ZDHHC20: variants seen among roughly 807,000 people sequenced by gnomAD.
ZDHHC20 encodes palmitoyltransferase ZDHHC20.
In ZDHHC20, 43 loss-of-function variants were observed where a neutral mutation model predicts 57.8. The observed-to-expected ratio is 0.74, with a 90% CI of 0.58 to 0.96. The LOEUF (loss-of-function observed/expected upper bound fraction) is 0.96, where lower values mean the gene tolerates loss of function less well. Ranked by LOEUF, ZDHHC20 falls within the 40% of genes least tolerant of loss-of-function variation. The pLI, the probability that ZDHHC20 is intolerant of heterozygous loss-of-function variation, is 0.00. For missense variants in ZDHHC20, 391 were observed against 441.1 expected, an observed-to-expected ratio of 0.89 and a Z score of 1.02; for synonymous variants, 157 against 153.0, an observed-to-expected ratio of 1.03 and a Z score of -0.19.
At chr13:21,409,086 C>T (rs1037776455) in intron 4 of ZDHHC20, among the ~76,000 whole-genome samples, 25 of 152,124 alleles carry the variant, frequency 1.6e-4, no homozygotes, top group African/African-American at 6.0e-4. Context: ...TGTCACATCT[C>T]TGCTAGGTTT....
Position 21,381,422 on chromosome 13 carries a change from G to A in ZDHHC20, c.1060+12C>T. On this transcript the variant is annotated intron_variant, in intron 11 of 12. Coordinates refer to ENST00000400590, the MANE Select transcript of ZDHHC20 (RefSeq NM_001330059.2). ...AACCAGACAAAGCAGTGTTTCAAAT[G>A]AGAACTATTACCTGATTTGACGATG... 2 of 1,594,278 alleles carry A rather than the reference G, an allele frequency of 1.3e-6. No homozygotes were observed. Among genetic ancestry groups the A allele is most frequent in the Non-Finnish European group, 1.7e-6 (2 of 1,162,474 alleles).
intron 4 of ZDHHC20, among the ~76,000 whole-genome samples, chr13:21,411,320 G>A (rs1041124772): frequency 3.3e-5 from 5 of 152,154 alleles, no homozygotes; most frequent in African/African-American, 9.7e-5. Context: ...ATCTTGCCCC[G>A]ATTGACCGAG....
intron 1 of ZDHHC20, among the ~76,000 whole-genome samples, chr13:21,448,987 G>A (rs1360239882): frequency 1.7e-5 from 2 of 115,790 alleles, no homozygotes; most frequent in Non-Finnish European, 3.9e-5. Flanking sequence ...GGCGGTGCAA[G>A]ATGTGCTTTG....
At chr13:21,454,226 T>A (rs943695466) in intron 1 of ZDHHC20, among the ~76,000 whole-genome samples, 1 of 152,110 alleles carries the variant, frequency 6.6e-6, no homozygotes, top group African/African-American at 2.4e-5. Flanking sequence ...CTCAAGAGGC[T>A]GAGGCAGGAG....
chr13:21,443,887 G>A (rs559563999), intron 1 of ZDHHC20, among the ~76,000 whole-genome samples: 10 of 152,282 alleles, frequency 6.6e-5, no homozygotes, highest in South Asian at 2.1e-4. Flanking sequence ...TTTTGGCTGC[G>A]TGTGGTGGCT....
At chr13:21,451,618 G>A (rs955727203) in intron 1 of ZDHHC20, among the ~76,000 whole-genome samples, 2 of 152,134 alleles carry the variant, frequency 1.3e-5, no homozygotes, top group Admixed American at 1.3e-4. Flanking sequence ...GAAGTGAAGA[G>A]TAGGGGAGAA....
Position 21,459,102 on chromosome 13 carries a change from A to G in ZDHHC20, c.70T>C (p.Phe24Leu). Residue 24 changes from phenylalanine (F) to leucine (L), a missense_variant, in exon 1 of 13, where the codon TTC (phenylalanine) becomes CTC (leucine). Phe to Leu is a conservative substitution (Grantham distance 22). Coordinates refer to ENST00000400590, the MANE Select transcript of ZDHHC20 (RefSeq NM_001330059.2). ...VGWVPVLFITFVVVWSYYAYV... is the reference protein window; with the variant it reads ...VGWVPVLFITLVVVWSYYAYV... ...GCGTAGTAGGACCAGACGACCACGAAGGTGATGAAGAGCACCGGCACCCAG... is the reference window on the plus strand; with the variant it reads ...GCGTAGTAGGACCAGACGACCACGAGGGTGATGAAGAGCACCGGCACCCAG... 6.2e-7 allele frequency: 1 copy of G among 1,607,024 alleles called. No homozygotes were observed. Among genetic ancestry groups the G allele is most frequent in the African/African-American group, 1.4e-5 (1 of 73,994 alleles).
chr13:21,374,356 T>G lies in ZDHHC20; in HGVS notation c.*2340A>C. On this transcript the variant is annotated 3_prime_UTR_variant, in exon 13 of 13. Transcript: ENST00000400590. ...TCTCCTGCCTCCACCTCCCGAGTAG[T>G]TGGGACTACAGGCGTGTGCCACCAT... 2.2e-6 allele frequency: 1 copy of G among 450,560 alleles called. No individual in the cohort carries two copies. Among genetic ancestry groups the G allele is most frequent in the Non-Finnish European group, 4.5e-6 (1 of 223,432 alleles). The allele number at this position is 450,560 out of a possible 1,614,324, so 27.9% of individuals were successfully genotyped here. A position where few individuals can be genotyped will look rare whatever the true frequency, so the allele number is the denominator to read the frequency against.
intron 3 of ZDHHC20, among the ~76,000 whole-genome samples, chr13:21,419,258 T>C (rs1880370410): frequency 6.6e-6 from 1 of 152,216 alleles, no homozygotes; most frequent in South Asian, 2.1e-4. Context: ...ATAGTTTACT[T>C]TACCTTTTAA....
intron 1 of ZDHHC20, among the ~76,000 whole-genome samples, chr13:21,447,494 G>T: frequency 6.9e-6 from 1 of 145,822 alleles, no homozygotes; most frequent in Admixed American, 6.9e-5. Flanking sequence ...GTGTTGGCCG[G>T]GCCGGTCTCC....
chr13:21,405,699 T>C (rs1171110515), intron 4 of ZDHHC20, among the ~76,000 whole-genome samples: 1 of 152,354 alleles, frequency 6.6e-6, no homozygotes, highest in East Asian at 1.9e-4. Context: ...GAAGGAAATC[T>C]GTACACCCTC....
chr13:21,383,114 G>T, intron 9 of ZDHHC20, 105 bp from the exon 10 acceptor site: 1 of 1,050,720 alleles, frequency 9.5e-7, no homozygotes, highest in Non-Finnish European at 1.4e-6. Context: ...ATCATAACTT[G>T]TCATATAAGG....
chr13:21,422,306 C>T (rs745637496), intron 2 of ZDHHC20, among the ~76,000 whole-genome samples: 1 of 151,604 alleles, frequency 6.6e-6, no homozygotes, highest in East Asian at 1.9e-4. Flanking sequence ...TGTAAGGAAG[C>T]TTTTGTAAAA....
chr13:21,415,320 T>C (rs753652782), intron 3 of ZDHHC20, among the ~76,000 whole-genome samples: 1 of 152,196 alleles, frequency 6.6e-6, no homozygotes, highest in East Asian at 1.9e-4. Context: ...TTGCTTTTTA[T>C]AGATAGTTAC....
intron 3 of ZDHHC20, among the ~76,000 whole-genome samples, 155 bp downstream of exon 3, chr13:21,420,906 C>T (rs1880572483): frequency 6.6e-6 from 1 of 152,160 alleles, no homozygotes; most frequent in Non-Finnish European, 1.5e-5. Context: ...TGAGAATAGG[C>T]TGATGACTCA....
At chr13:21,450,713 G>T (rs963143237) in intron 1 of ZDHHC20, among the ~76,000 whole-genome samples, 2 of 151,180 alleles carry the variant, frequency 1.3e-5, no homozygotes, top group Non-Finnish European at 2.9e-5. Flanking sequence ...CTACACTCTC[G>T]CATCTGAAAA....
At chr13:21,386,939 T>C (rs966113066) in intron 9 of ZDHHC20, among the ~76,000 whole-genome samples, 1 of 152,208 alleles carries the variant, frequency 6.6e-6, no homozygotes, top group Non-Finnish European at 1.5e-5. Context: ...ATTCAGTTAA[T>C]CTAGGGAAAA....
At chr13:21,412,966 T>C in intron 4 of ZDHHC20, among the ~76,000 whole-genome samples, 1 of 33,286 alleles carries the variant, frequency 3.0e-5, no homozygotes, top group Non-Finnish European at 5.0e-5. Flanking sequence ...AGACTCCGTC[T>C]CAAAAAAAAA....
rs190910427 is a variant in ZDHHC20, at chr13:21,429,506, G to A, written c.119-3828C>T. On this transcript the variant is annotated intron_variant, in intron 1 of 12. Transcript: ENST00000400590. ...TCTGTTTTTCCCCTATAGGTAAAGTGTCCTCACTGTTTTCAAGATTTTATA... is the reference window on the plus strand; with the variant it reads ...TCTGTTTTTCCCCTATAGGTAAAGTATCCTCACTGTTTTCAAGATTTTATA... 2.4e-3 allele frequency among the ~76,000 whole-genome samples: 358 copies of A among 152,256 alleles called. 4 individuals carry two copies. The highest frequency in any genetic ancestry group is 8.0e-3 in the African/African-American group (333 of 41,540).
Sources: gnomAD v4.1 joint callset for allele counts (sites outside exome capture counted in the v4.1 genomes callset) on GRCh38, gnomAD v4.1.1 for gene constraint, MANE v1.5 for transcripts, NCBI Gene and HGNC (gene_info 2026-07-23, HGNC 2026-07-21) for gene names.